NBPF15: variants seen among roughly 807,000 people sequenced by gnomAD.
NBPF15 encodes the protein NBPF family member NBPF15.
Under a neutral mutation model 62.2 loss-of-function variants are expected in NBPF15, and 74 were observed. That is an observed-to-expected ratio of 1.19 (90% CI 0.99 to 1.44). The LOEUF is 1.44. NBPF15 is among the 40% of genes most tolerant of loss of function. NBPF15 has a pLI of 0.00. For synonymous variants in NBPF15, 244 were observed against 209.7 expected (o/e 1.16, Z -1.41); for missense variants, 790 against 550.0 (o/e 1.44, Z -4.36).
chr1:144,443,059 C>G (rs1377658800), intron 6 of NBPF15: 1 of 168,198 alleles, frequency 5.9e-6, no homozygotes, highest in Non-Finnish European at 1.4e-5. Context: ...CCCGCCTTTC[C>G]TTCACATACA....
At chr1:144,434,521 A>AT (rs1676772113) in intron 12 of NBPF15, among the ~76,000 whole-genome samples, 1 of 142,042 alleles carries the variant, frequency 7.0e-6, no homozygotes, top group African/African-American at 2.7e-5. Flanking sequence ...AAAAAAAAAA[A>AT]TCCACGATGC....
At chr1:144,441,218 A>C (rs1327850718) in intron 6 of NBPF15, among the ~76,000 whole-genome samples, 1 of 151,346 alleles carries the variant, frequency 6.6e-6, no homozygotes, top group Non-Finnish European at 1.5e-5. Context: ...CTAGGGATGG[A>C]GTTGCTTGGT....
chr1:144,449,655 G>T (rs1465033232), intron 5 of NBPF15, among the ~76,000 whole-genome samples: 1 of 151,984 alleles, frequency 6.6e-6, no homozygotes, highest in African/African-American at 2.4e-5. Context: ...AAGACCCACA[G>T]GACAGAGGGT....
rs782623507 is a variant in NBPF15, at chr1:144,423,114, C to G, written c.1912G>C (p.Glu638Gln). The G allele has an allele frequency of 1.4e-4, 218 of 1,610,798 alleles. 7 individuals are homozygous for G. The highest frequency in any genetic ancestry group is 2.8e-4 in the Admixed American group (17 of 59,900). Reference protein sequence around the residue: ...YRSVFYSFEEEHISFALYVDN... With the variant: ...YRSVFYSFEEQHISFALYVDN... ...ACGTAAAGGGCGAAGCTGATATGCT[C>G]TTCCTCAAATGAGTAAAACACACTT... Residue 638 changes from glutamate to glutamine, a missense_variant, in exon 22 of 22, where the codon GAG (glutamate) becomes CAG (glutamine). Coordinates refer to ENST00000581897, the MANE Select transcript of NBPF15 (RefSeq NM_001385408.1).
chr1:144,457,853 G>A (rs1287010814), intron 3 of NBPF15, among the ~76,000 whole-genome samples: 1 of 152,024 alleles, frequency 6.6e-6, no homozygotes, highest in Non-Finnish European at 1.5e-5. Context: ...ACTTTGAGAT[G>A]CCAAGGTGGG....
At chr1:144,435,403 G>A (rs1677461990) in intron 11 of NBPF15, 87 bp from the exon 12 acceptor site, 10 of 1,425,734 alleles carry the variant, frequency 7.0e-6, no homozygotes, top group East Asian at 6.8e-5. Context: ...TTGACAGGCG[G>A]CATTAAGAGA....
Position 144,436,892 on chromosome 1 carries a change from T to A in NBPF15, c.493+3A>T, listed in dbSNP as rs1678932089. 1.2e-6 allele frequency: 2 copies of A among 1,611,756 alleles called. No individual in the cohort carries two copies. Among genetic ancestry groups the A allele is most frequent in the Admixed American group, 3.3e-5 (2 of 59,956 alleles). On this transcript the variant is annotated splice_donor_region_variant and intron_variant, in intron 10 of 21. Coordinates refer to ENST00000581897, the MANE Select transcript of NBPF15 (RefSeq NM_001385408.1). ...GGGTCATCAGGGCCTATGGCCACCT[T>A]ACCTGGGCTGAGCTTTTGGACAAGG...
chr1:144,458,956 G>A (rs1414459739), intron 3 of NBPF15, among the ~76,000 whole-genome samples: 8 of 151,470 alleles, frequency 5.3e-5, no homozygotes, highest in South Asian at 2.1e-4. Flanking sequence ...TGGGAGGATC[G>A]CTTGAGCCAG....
intron 6 of NBPF15, among the ~76,000 whole-genome samples, chr1:144,444,778 C>T (rs1387474681): frequency 7.2e-5 from 11 of 151,890 alleles, no homozygotes; most frequent in Admixed American, 7.2e-4. Context: ...CTCTCTTCCT[C>T]CCCAGTTCAT....
chr1:144,450,354 T>C (rs1179518682), intron 5 of NBPF15, among the ~76,000 whole-genome samples: 1 of 150,832 alleles, frequency 6.6e-6, no homozygotes, highest in Non-Finnish European at 1.5e-5. Context: ...GGTTGAAAGA[T>C]GAAACAGACA....
chr1:144,428,114 G>A, intron 15 of NBPF15, 124 bp from the exon 16 acceptor site: 2 of 678,364 alleles, frequency 2.9e-6, no homozygotes, highest in South Asian at 1.7e-5. Flanking sequence ...CATTAATGAG[G>A]TAACAAATTA....
intron 6 of NBPF15, among the ~76,000 whole-genome samples, chr1:144,442,409 GTA>G (rs1684166271): frequency 7.1e-6 from 1 of 140,392 alleles, no homozygotes; most frequent in African/African-American, 2.6e-5. Flanking sequence ...TAACACGTGT[GTA>G]TATATATTAT....
rs587731841 is a variant in NBPF15 at position 144,453,811 on chromosome 1, C to T, written c.-432+2726G>A. Among the ~76,000 whole-genome samples, 363 of 138,994 alleles carry T rather than the reference C, an allele frequency of 2.6e-3. 6 individuals are homozygous for T. The highest frequency in any genetic ancestry group is 0.022 in the Admixed American group (308 of 13,702). 91.2% of individuals were successfully genotyped at this position (138,994 alleles called of 152,430 possible). On this transcript the variant is annotated intron_variant, in intron 4 of 21. Transcript: ENST00000581897. ...CTATCAGAATGGCTAAAACACAAAACGGTGAACACACCAAATGCTGTCAAA... is the reference window on the plus strand; with the variant it reads ...CTATCAGAATGGCTAAAACACAAAATGGTGAACACACCAAATGCTGTCAAA...
rs1231328730 is a variant in NBPF15 at position 144,424,146 on chromosome 1, G to T, written c.1664-171C>A. Among the ~76,000 whole-genome samples the T allele has an allele frequency of 2.0e-5, 3 of 151,982 alleles. 1 individual carries two copies. The highest frequency in any genetic ancestry group is 2.9e-5 in the Non-Finnish European group (2 of 67,980). ...GGCTGGTCATGATATAAATTCCTCAGTTTTTCTCCCAGAAACTGTGGGTAA... is the reference window on the plus strand; with the variant it reads ...GGCTGGTCATGATATAAATTCCTCATTTTTTCTCCCAGAAACTGTGGGTAA... On this transcript the variant is annotated intron_variant, in intron 20 of 21. Coordinates refer to ENST00000581897, the MANE Select transcript of NBPF15 (RefSeq NM_001385408.1).
chr1:144,438,503 A>T (rs1174979800), intron 8 of NBPF15, among the ~76,000 whole-genome samples: 2 of 151,972 alleles, frequency 1.3e-5, no homozygotes, highest in Non-Finnish European at 2.9e-5. Flanking sequence ...AGATTTTTAA[A>T]ATCTTTGATT....
chr1:144,438,318 A>T (rs2102146735), intron 8 of NBPF15, among the ~76,000 whole-genome samples: 1 of 151,274 alleles, frequency 6.6e-6, no homozygotes, highest in East Asian at 1.9e-4. Context: ...CAGAATTCAC[A>T]GTCCCTGAGG....
At chr1:144,445,742 C>G (rs1687035164) in intron 6 of NBPF15, among the ~76,000 whole-genome samples, 1 of 151,094 alleles carries the variant, frequency 6.6e-6, no homozygotes. Context: ...AACAACTCTT[C>G]TGATCCATGA....
At chr1:144,433,206 G>GA (rs1480919424) in intron 13 of NBPF15, among the ~76,000 whole-genome samples, 3 of 151,910 alleles carry the variant, frequency 2.0e-5, no homozygotes, top group Non-Finnish European at 4.4e-5. Flanking sequence ...TGACTACTGG[G>GA]AAAATAACAA....
At chr1:144,427,676 G>A in intron 16 of NBPF15, 142 bp downstream of exon 16, 1 of 634,276 alleles carries the variant, frequency 1.6e-6, no homozygotes, top group Non-Finnish European at 2.8e-6. Flanking sequence ...TGGAACTAGA[G>A]TTTCATTCAA....
Sources: gnomAD v4.1 joint callset for allele counts (sites outside exome capture counted in the v4.1 genomes callset) on GRCh38, gnomAD v4.1.1 for gene constraint, MANE v1.5 for transcripts, NCBI Gene and HGNC (gene_info 2026-07-23, HGNC 2026-07-21) for gene names.